The following MAOB variants were observed in gnomAD, a reference collection of about 807,000 sequenced individuals.
MAOB encodes the protein amine oxidase [flavin-containing] B.
A neutral mutation model predicts 41.9 loss-of-function variants in MAOB; 15 were observed. That is an observed-to-expected ratio of 0.36 (90% CI 0.24 to 0.55). The LOEUF (loss-of-function observed/expected upper bound fraction) is 0.55, where lower values mean the gene tolerates loss of function less well. MAOB is among the 20% of genes least tolerant of loss of function. The pLI is 0.86. For synonymous variants in MAOB, 167 were observed against 144.2 expected (o/e 1.16, Z -1.13); for missense variants, 345 against 398.7 (o/e 0.87, Z 1.15).
intron 1 of MAOB, among the ~76,000 whole-genome samples, chrX:43,844,232 G>A (rs764438693): frequency 3.6e-5 from 4 of 111,482 alleles, no homozygotes; most frequent in East Asian, 5.7e-4. Flanking sequence ...AGAAGTTGAC[G>A]TAAAGTTTCA....
At chrX:43,781,360 T>C (rs1348905201) in intron 9 of MAOB, 88 bp downstream of exon 9, 3 of 481,960 alleles carry the variant, frequency 6.2e-6, no homozygotes, top group East Asian at 8.5e-5. Flanking sequence ...AAAAAATCAC[T>C]TAACAAAGTT....
intron 14 of MAOB, among the ~76,000 whole-genome samples, 162 bp from the exon 15 acceptor site, chrX:43,767,780 T>C (rs746520518): frequency 8.9e-6 from 1 of 111,997 alleles, no homozygotes; most frequent in South Asian, 3.7e-4. Context: ...TCTTCCTCAC[T>C]GGACCCTTCA....
intron 6 of MAOB, 31 bp from the exon 7 acceptor site, chrX:43,795,919 C>A (rs112454340): frequency 4.2e-6 from 5 of 1,189,859 alleles, no homozygotes; most frequent in Middle Eastern, 2.4e-4. Flanking sequence ...GAAAGAGAAA[C>A]GCAGGAATGG....
intron 5 of MAOB, among the ~76,000 whole-genome samples, chrX:43,800,906 G>A (rs771766784): frequency 9.0e-6 from 1 of 111,017 alleles, no homozygotes; most frequent in South Asian, 3.8e-4. Context: ...TTTTCTATGT[G>A]TTTAATATTA....
chrX:43,810,860 G>A (rs2034738441), intron 3 of MAOB, among the ~76,000 whole-genome samples: 1 of 111,673 alleles, frequency 9.0e-6, no homozygotes, highest in African/African-American at 3.3e-5. Context: ...TGCACTAAAT[G>A]GATATTGCTG....
At chrX:43,864,686 T>A (rs1397615970) in intron 1 of MAOB, among the ~76,000 whole-genome samples, 1 of 111,550 alleles carries the variant, frequency 9.0e-6, no homozygotes, top group African/African-American at 3.3e-5. Context: ...GGGAAGGGTA[T>A]GGCTTGGCAT....
chrX:43,860,732 T>C (rs2035326219), intron 1 of MAOB, among the ~76,000 whole-genome samples: 1 of 111,553 alleles, frequency 9.0e-6, no homozygotes. Flanking sequence ...AGTCCCACCC[T>C]GTAACTTACC....
intron 1 of MAOB, among the ~76,000 whole-genome samples, chrX:43,847,251 G>A (rs915222576): frequency 2.7e-5 from 3 of 111,104 alleles, no homozygotes; most frequent in Admixed American, 9.6e-5. Flanking sequence ...GGCTGAGGCA[G>A]GGAGAATTAC....
intron 1 of MAOB, among the ~76,000 whole-genome samples, chrX:43,869,583 T>A (rs188499168): frequency 8.1e-4 from 91 of 112,056 alleles, no homozygotes; most frequent in African/African-American, 2.7e-3. Flanking sequence ...TTTCTGCCAA[T>A]CTCTAAACTT....
Position 43,861,766 on chromosome X carries a change from A to G in MAOB, c.47-18002T>C, listed in dbSNP as rs976561849. Among the ~76,000 whole-genome samples the G allele has an allele frequency of 1.6e-4, 18 of 111,789 alleles. No homozygotes were observed. In the Admixed American group the frequency reaches 1.6e-3, roughly 10 times the overall value. On this transcript the variant is annotated intron_variant, in intron 1 of 14. Transcript: ENST00000378069. ...CTAGGCCTGCACTGTTAGATTATTGAAAAGAAAGATACCTATTCAATGCTG... is the reference window on the plus strand; with the variant it reads ...CTAGGCCTGCACTGTTAGATTATTGGAAAGAAAGATACCTATTCAATGCTG...
intron 10 of MAOB, 82 bp downstream of exon 10, chrX:43,780,260 G>A (rs2034312399): frequency 2.1e-5 from 17 of 797,642 alleles, no homozygotes; most frequent in Non-Finnish European, 2.7e-5. Flanking sequence ...AGAAAAGAAG[G>A]AAAGAAAGAG....
chrX:43,801,175 T>C (rs986906437), intron 5 of MAOB, among the ~76,000 whole-genome samples: 1 of 108,793 alleles, frequency 9.2e-6, no homozygotes, highest in African/African-American at 3.3e-5. Flanking sequence ...CATGTGCACA[T>C]TGTGCAGGTT....
chrX:43,840,747 T>C lies in MAOB; in HGVS notation c.142-1742A>G, dbSNP rs151169544. Among the ~76,000 whole-genome samples the C allele has an allele frequency of 7.8e-3, 860 of 110,887 alleles. 17 individuals are homozygous for C. Among genetic ancestry groups the C allele is most frequent in the Admixed American group, 0.057 (594 of 10,420 alleles). ...TGAGGGACTGTGCCATGAGGAACAG[T>C]GCATTCTGGCCCAGATACTTTGCTT... is the stretch of plus-strand genomic sequence containing the variant. On this transcript the variant is annotated intron_variant, in intron 2 of 14. Transcript: ENST00000378069.
chrX:43,868,855 T>TTGTG lies in MAOB; in HGVS notation c.46+13395_46+13398dup, dbSNP rs113529000. ...AGAAAACGTAATTTCACATCAATTCTTGTGTGTGTGTGTGTGTGTGTGTGT... is the reference window on the plus strand; with the variant it reads ...AGAAAACGTAATTTCACATCAATTCTTGTGTGTGTGTGTGTGTGTGTGTGTGTGT... On this transcript the variant is annotated intron_variant, in intron 1 of 14. Coordinates refer to ENST00000378069, the MANE Select transcript of MAOB (RefSeq NM_000898.5). Among the ~76,000 whole-genome samples the TTGTG allele has an allele frequency of 6.9e-3, 713 of 103,760 alleles. 8 individuals are homozygous for TTGTG. The highest frequency in any genetic ancestry group is 0.021 in the African/African-American group (588 of 28,415). 90.1% of individuals were successfully genotyped at this position (103,760 alleles called of 115,157 possible).
intron 3 of MAOB, among the ~76,000 whole-genome samples, chrX:43,835,221 T>C (rs2035059251): frequency 8.9e-6 from 1 of 112,466 alleles, no homozygotes; most frequent in South Asian, 3.7e-4. Flanking sequence ...GTTTTTATCT[T>C]TTTCTTTTTA....
chrX:43,789,678 C>T (rs1486084278), intron 8 of MAOB, among the ~76,000 whole-genome samples: 1 of 111,331 alleles, frequency 9.0e-6, no homozygotes, highest in Admixed American at 9.6e-5. Context: ...ATATAGGAAG[C>T]CTGTCCTTGC....
chrX:43,839,052 T>C (rs764447306), intron 2 of MAOB, 47 bp from the exon 3 acceptor site: 1 of 990,210 alleles, frequency 1.0e-6, no homozygotes, highest in Non-Finnish European at 1.4e-6. Context: ...AAAAAATGTA[T>C]AAAATAACAA....
rs1452701588 is a variant in MAOB at position 43,877,697 on chromosome X, G to A, written c.46+4557C>T. ...TGGAATAATAGCCAGGTTGAGGTGA[G>A]GCTGAAGTACAGATCTAAGACTTCC... is the stretch of plus-strand genomic sequence containing the variant. On this transcript the variant is annotated intron_variant, in intron 1 of 14. Transcript: ENST00000378069. Among the ~76,000 whole-genome samples the A allele has an allele frequency of 3.6e-5, 4 of 112,222 alleles. No homozygotes were observed. The East Asian group carries it at 1.1e-3, about 31-fold the overall frequency.
chrX:43,830,991 TTAAG>T (rs1214108151), intron 3 of MAOB, among the ~76,000 whole-genome samples: 16 of 66,971 alleles, frequency 2.4e-4, no homozygotes, highest in Admixed American at 2.2e-3. Context: ...AGGTCAATGA[TTAAG>T]TGTGTGTGTG....
Sources: allele counts gnomAD v4.1 joint callset (sites outside exome capture counted in the v4.1 genomes callset), GRCh38; gene constraint gnomAD v4.1.1; transcripts MANE v1.5; gene names NCBI Gene and HGNC (gene_info 2026-07-23, HGNC 2026-07-21).